LAMA2: variants seen among roughly 807,000 people sequenced by gnomAD.
LAMA2 encodes the protein laminin subunit alpha 2, also known as laminin subunit alpha-2.
LAMA2 carries 269 observed loss-of-function variants against 364.8 expected under a neutral mutation model. The observed-to-expected ratio is 0.74, with a 90% CI of 0.67 to 0.82. The LOEUF (loss-of-function observed/expected upper bound fraction) is 0.82, where lower values mean the gene tolerates loss of function less well. Ranked by LOEUF, LAMA2 falls within the 40% of genes least tolerant of loss-of-function variation. The pLI is 0.00. For synonymous variants in LAMA2, 1,379 were observed against 1,370.6 expected, an observed-to-expected ratio of 1.01 and a Z score of -0.14; for missense variants, 3,807 against 3,873.2, an observed-to-expected ratio of 0.98 and a Z score of 0.45.
intron 1 of LAMA2, among the ~76,000 whole-genome samples, chr6:128,916,331 C>T (rs1209404133): frequency 6.6e-6 from 1 of 152,042 alleles, no homozygotes; most frequent in Non-Finnish European, 1.5e-5. Context: ...GATTCATATT[C>T]CCATTTGTTG....
intron 33 of LAMA2, among the ~76,000 whole-genome samples, chr6:129,369,661 A>T (rs1336290371): frequency 6.6e-6 from 1 of 152,228 alleles, no homozygotes; most frequent in African/African-American, 2.4e-5. Flanking sequence ...AAAACAAAAC[A>T]TAAAAAGCCT....
intron 3 of LAMA2, among the ~76,000 whole-genome samples, chr6:129,084,350 A>T (rs1774246847): frequency 6.6e-6 from 1 of 152,112 alleles, no homozygotes; most frequent in Non-Finnish European, 1.5e-5. Flanking sequence ...AAATAATTTC[A>T]TTTATGTTTA....
chr6:129,427,243 C>T (rs1274289209), intron 40 of LAMA2, among the ~76,000 whole-genome samples: 2 of 152,160 alleles, frequency 1.3e-5, no homozygotes, highest in African/African-American at 4.8e-5. Context: ...TGTTCTTTCT[C>T]ATTTCAGCAC....
intron 1 of LAMA2, among the ~76,000 whole-genome samples, chr6:129,022,745 C>T (rs996123395): frequency 2.0e-5 from 3 of 152,150 alleles, no homozygotes; most frequent in Middle Eastern, 3.4e-3. Flanking sequence ...TACAAACCGC[C>T]GACACAACTT....
chr6:128,931,039 A>T (rs974697922), intron 1 of LAMA2, among the ~76,000 whole-genome samples: 3 of 152,206 alleles, frequency 2.0e-5, no homozygotes, highest in African/African-American at 7.2e-5. Flanking sequence ...CTCTGCAAAA[A>T]AAAAGGGACA....
At chr6:128,908,431 T>C (rs1777648336) in intron 1 of LAMA2, among the ~76,000 whole-genome samples, 1 of 150,018 alleles carries the variant, frequency 6.7e-6, no homozygotes. Context: ...GTAGAGGTGT[T>C]TATAGTATTC....
chr6:129,510,638 A>G (rs970292322), intron 62 of LAMA2, among the ~76,000 whole-genome samples: 1 of 152,124 alleles, frequency 6.6e-6, no homozygotes, highest in African/African-American at 2.4e-5. Context: ...GGCAAGTAAA[A>G]ATGATTAAAG....
At chr6:129,441,539 A>G (rs558353976) in intron 43 of LAMA2, among the ~76,000 whole-genome samples, 1 of 152,278 alleles carries the variant, frequency 6.6e-6, no homozygotes, top group Admixed American at 6.5e-5. Context: ...GACTATTCAC[A>G]TCTCTTATAT....
intron 21 of LAMA2, among the ~76,000 whole-genome samples, chr6:129,299,033 A>T (rs1296242414): frequency 2.0e-5 from 3 of 152,258 alleles, no homozygotes; most frequent in East Asian, 3.9e-4. Context: ...ATTTAAATAC[A>T]TATAGTAACA....
intron 9 of LAMA2, 32 bp downstream of exon 9, chr6:129,165,707 A>C: frequency 7.5e-7 from 1 of 1,335,350 alleles, no homozygotes; most frequent in African/African-American, 1.4e-5. Context: ...CACTGCTCTG[A>C]TAAAAGGACA....
intron 1 of LAMA2, among the ~76,000 whole-genome samples, chr6:128,941,503 A>G (rs914589839): frequency 1.3e-5 from 2 of 152,208 alleles, no homozygotes; most frequent in African/African-American, 2.4e-5. Flanking sequence ...TGAGTATTCT[A>G]TGAACCCTCA....
chr6:129,209,190 A>G (rs1158392914), intron 12 of LAMA2, among the ~76,000 whole-genome samples: 1 of 152,214 alleles, frequency 6.6e-6, no homozygotes, highest in African/African-American at 2.4e-5. Context: ...TGATGGTTTT[A>G]TATAAAAGCA....
At chr6:129,165,131 A>G (rs1245427856) in intron 8 of LAMA2, among the ~76,000 whole-genome samples, 1 of 151,880 alleles carries the variant, frequency 6.6e-6, no homozygotes, top group Non-Finnish European at 1.5e-5. Flanking sequence ...AAGCCTAGAT[A>G]TATATACATA....
At chr6:128,993,919 A>C (rs1355266274) in intron 1 of LAMA2, among the ~76,000 whole-genome samples, 2 of 152,220 alleles carry the variant, frequency 1.3e-5, no homozygotes, top group Non-Finnish European at 2.9e-5. Context: ...ATACATTATA[A>C]TGTTAAAGAA....
chr6:129,321,159 T>A (rs1196331779), intron 28 of LAMA2, among the ~76,000 whole-genome samples: 3 of 152,232 alleles, frequency 2.0e-5, no homozygotes, highest in African/African-American at 4.8e-5. Context: ...TTTTTTACAT[T>A]TTAAAAGTAA....
At chr6:129,390,610 C>A (rs1189258546) in intron 35 of LAMA2, among the ~76,000 whole-genome samples, 1 of 151,668 alleles carries the variant, frequency 6.6e-6, no homozygotes, top group Non-Finnish European at 1.5e-5. Context: ...TTTGAGAAAA[C>A]ATCTCTCTTA....
chr6:129,321,873 GCAT>G (rs1396602440), intron 28 of LAMA2, among the ~76,000 whole-genome samples: 1 of 152,108 alleles, frequency 6.6e-6, no homozygotes, highest in Non-Finnish European at 1.5e-5. Flanking sequence ...GAGGGACATG[GCAT>G]CATGAAAAGA....
At chr6:129,267,799 G>A (rs1483459465) in intron 16 of LAMA2, among the ~76,000 whole-genome samples, 1 of 152,048 alleles carries the variant, frequency 6.6e-6, no homozygotes, top group African/African-American at 2.4e-5. Flanking sequence ...CAGAAAATAG[G>A]CTTTACAAAG....
intron 1 of LAMA2, among the ~76,000 whole-genome samples, chr6:128,942,159 A>G (rs1010035755): frequency 6.6e-5 from 10 of 152,150 alleles, no homozygotes; most frequent in Non-Finnish European, 1.5e-4. Context: ...TGTTTCGGAC[A>G]TTAAGCTTTT....
Sources: gnomAD v4.1 joint callset for allele counts (sites outside exome capture counted in the v4.1 genomes callset) on GRCh38, gnomAD v4.1.1 for gene constraint, MANE v1.5 for transcripts, NCBI Gene and HGNC (gene_info 2026-07-23, HGNC 2026-07-21) for gene names.